SORCS3: variants seen among roughly 807,000 people sequenced by gnomAD.
The protein encoded by SORCS3 is VPS10 domain-containing receptor SorCS3.
Under a neutral mutation model 146.3 loss-of-function variants are expected in SORCS3, and 57 were observed. The ratio of observed to expected loss-of-function variants is 0.39; its 90% CI spans 0.31 to 0.49. SORCS3 has a LOEUF of 0.49. Among genes scored for constraint, SORCS3 ranks in the 20% least tolerant of loss-of-function variants. The pLI is 0.92. For missense variants in SORCS3, 1,341 were observed against 1,575.5 expected, an observed-to-expected ratio of 0.85 and a Z score of 2.52; for synonymous variants, 653 against 618.5, an observed-to-expected ratio of 1.06 and a Z score of -0.83.
At chr10:104,675,198 A>C (rs1430256394) in intron 1 of SORCS3, among the ~76,000 whole-genome samples, 1 of 152,290 alleles carries the variant, frequency 6.6e-6, no homozygotes, top group Middle Eastern at 3.4e-3. Context: ...TTTTTAATTC[A>C]ATTACTGAGA....
At chr10:104,807,721 G>C (rs1204383649) in intron 1 of SORCS3, among the ~76,000 whole-genome samples, 3 of 152,196 alleles carry the variant, frequency 2.0e-5, no homozygotes, top group Non-Finnish European at 2.9e-5. Flanking sequence ...CAGCTCAAAA[G>C]CTAAAATCAT....
intron 1 of SORCS3, among the ~76,000 whole-genome samples, chr10:104,673,419 C>CAT (rs112145153): frequency 2.1e-5 from 3 of 146,006 alleles, no homozygotes; most frequent in African/African-American, 7.6e-5. Context: ...TTCTTATTTC[C>CAT]GTGTGTGTGT....
At chr10:104,766,234 C>T (rs1265786634) in intron 1 of SORCS3, among the ~76,000 whole-genome samples, 1 of 152,128 alleles carries the variant, frequency 6.6e-6, no homozygotes, top group Admixed American at 6.6e-5. Flanking sequence ...AGGCCATGGT[C>T]TGACTGCTGT....
rs1302725976 is a variant in SORCS3 at position 105,042,833 on chromosome 10, T to G, written c.955-222T>G. Among the ~76,000 whole-genome samples, 5 of 152,168 alleles carry G rather than the reference T, an allele frequency of 3.3e-5. No homozygotes were observed. In the South Asian group the frequency reaches 6.2e-4, roughly 19 times the overall value. On this transcript the variant is annotated intron_variant, in intron 4 of 26. Transcript: ENST00000369701. ...ATGGCCATCAGAAGTGTATTTATAC[T>G]CTCCTCAAAAGTATCAGTTGATTGG...
chr10:105,012,938 C>T (rs1001806910), intron 4 of SORCS3, among the ~76,000 whole-genome samples: 1 of 152,102 alleles, frequency 6.6e-6, no homozygotes, highest in Non-Finnish European at 1.5e-5. Flanking sequence ...GATTGTAAAG[C>T]ACCTACCTCA....
At chr10:104,944,141 A>G (rs2019346602) in intron 3 of SORCS3, among the ~76,000 whole-genome samples, 1 of 152,220 alleles carries the variant, frequency 6.6e-6, no homozygotes, top group South Asian at 2.1e-4. Context: ...TTTAAAAAAT[A>G]TAACTAGGTC....
chr10:104,877,959 C>T (rs887456678), intron 2 of SORCS3, among the ~76,000 whole-genome samples: 5 of 152,148 alleles, frequency 3.3e-5, no homozygotes, highest in Admixed American at 3.3e-4. Flanking sequence ...TACATATATA[C>T]CTCACCATTT....
intron 2 of SORCS3, among the ~76,000 whole-genome samples, chr10:104,876,897 T>C (rs931414751): frequency 6.6e-6 from 1 of 152,010 alleles, no homozygotes; most frequent in African/African-American, 2.4e-5. Context: ...GCTTTGTCAC[T>C]CAGGGTGGAG....
At chr10:104,822,693 C>T (rs954612697) in intron 1 of SORCS3, among the ~76,000 whole-genome samples, 11 of 152,224 alleles carry the variant, frequency 7.2e-5, no homozygotes, top group African/African-American at 2.4e-4. Flanking sequence ...CTCTCAGAGT[C>T]TGGCATGGCC....
chr10:104,784,286 GGGTGCTCCT>G (rs2017407228), intron 1 of SORCS3, among the ~76,000 whole-genome samples: 1 of 152,112 alleles, frequency 6.6e-6, no homozygotes, highest in Non-Finnish European at 1.5e-5. Flanking sequence ...TGGGGTGGGA[GGGTGCTCCT>G]GGTATCTAGT....
At chr10:105,183,959 T>A (rs2056459532) in intron 14 of SORCS3, among the ~76,000 whole-genome samples, 1 of 152,218 alleles carries the variant, frequency 6.6e-6, no homozygotes, top group Admixed American at 6.5e-5. Context: ...ACCACCTATG[T>A]GACTTTAGTG....
At chr10:105,065,944 G>T (rs564468758) in intron 5 of SORCS3, among the ~76,000 whole-genome samples, 1 of 152,064 alleles carries the variant, frequency 6.6e-6, no homozygotes, top group South Asian at 2.1e-4. Context: ...AAATAAAAAC[G>T]ATTTAAACTT....
intron 4 of SORCS3, among the ~76,000 whole-genome samples, chr10:105,020,246 T>C (rs1228659243): frequency 1.3e-5 from 2 of 152,204 alleles, no homozygotes; most frequent in African/African-American, 4.8e-5. Context: ...GACATGGGAC[T>C]CGTTCTTTAT....
At chr10:104,669,894 G>GTTT (rs34951100) in intron 1 of SORCS3, among the ~76,000 whole-genome samples, 1 of 145,412 alleles carries the variant, frequency 6.9e-6, no homozygotes, top group African/African-American at 2.5e-5. Flanking sequence ...AACACTTTCT[G>GTTT]TTTTTTTTTT....
intron 3 of SORCS3, among the ~76,000 whole-genome samples, chr10:104,959,253 A>G (rs2054775701): frequency 6.6e-6 from 1 of 152,170 alleles, no homozygotes; most frequent in Non-Finnish European, 1.5e-5. Flanking sequence ...ACCCCTACAC[A>G]TACCAAATTC....
chr10:104,885,485 T>G (rs557821042), intron 2 of SORCS3, among the ~76,000 whole-genome samples: 1 of 152,328 alleles, frequency 6.6e-6, no homozygotes, highest in South Asian at 2.1e-4. Context: ...TCAGCAGGAC[T>G]TTTAAAGTAC....
intron 1 of SORCS3, among the ~76,000 whole-genome samples, chr10:104,757,875 G>A (rs1334507197): frequency 1.7e-5 from 2 of 119,702 alleles, no homozygotes; most frequent in African/African-American, 3.4e-5. Flanking sequence ...CCCCACACCC[G>A]CTGCCTTGAT....
At chr10:104,970,547 C>A (rs7090127) in intron 3 of SORCS3, among the ~76,000 whole-genome samples, 1 of 152,030 alleles carries the variant, frequency 6.6e-6, no homozygotes, top group Non-Finnish European at 1.5e-5. Context: ...TTTCCCCTAC[C>A]CCTACCCCTT....
At chr10:104,978,442 A>G (rs1177776022) in intron 4 of SORCS3, among the ~76,000 whole-genome samples, 2 of 152,202 alleles carry the variant, frequency 1.3e-5, no homozygotes, top group Non-Finnish European at 2.9e-5. Flanking sequence ...GTATGCCTCA[A>G]AACCTCTCAA....
Sources: allele counts gnomAD v4.1 joint callset (sites outside exome capture counted in the v4.1 genomes callset), GRCh38; gene constraint gnomAD v4.1.1; transcripts MANE v1.5; gene names NCBI Gene and HGNC (gene_info 2026-07-23, HGNC 2026-07-21).